Variants in TRMT1L observed in about 807,000 individuals in gnomAD.
TRMT1L encodes the protein tRNA methyltransferase 1L.
Under a neutral mutation model 81.6 loss-of-function variants are expected in TRMT1L, and 28 were observed. The observed-to-expected ratio is 0.34, with a 90% CI of 0.25 to 0.47. The LOEUF (loss-of-function observed/expected upper bound fraction) is 0.47, where lower values mean the gene tolerates loss of function less well. Ranked by LOEUF, TRMT1L falls within the 20% of genes least tolerant of loss-of-function variation. The pLI is 1.00. For synonymous variants in TRMT1L, 301 were observed against 303.2 expected (o/e 0.99, Z 0.07); for missense variants, 739 against 877.1 (o/e 0.84, Z 1.99).
intron 2 of TRMT1L, among the ~76,000 whole-genome samples, chr1:185,151,087 T>G (rs1653332184): frequency 6.6e-6 from 1 of 152,216 alleles, no homozygotes; most frequent in Non-Finnish European, 1.5e-5. Context: ...TCAAAAAGAT[T>G]ATGTATCATA....
At chr1:185,131,688 A>G (rs1339994180) in intron 10 of TRMT1L, among the ~76,000 whole-genome samples, 1 of 152,206 alleles carries the variant, frequency 6.6e-6, no homozygotes, top group African/African-American at 2.4e-5. Flanking sequence ...ATAAAAATTA[A>G]GGAAAAAGTA....
chr1:185,156,725 C>G lies in TRMT1L; in HGVS notation c.-13G>C. On this transcript the variant is annotated 5_prime_UTR_variant, in exon 1 of 15. Transcript: ENST00000367506. ...CCATATTCTCCATAGTTACCGCCTC[C>G]GTGCCAAGCCCGCCCGGGGACCCGG... The G allele has an allele frequency of 6.2e-7, 1 of 1,612,288 alleles. No individual in the cohort carries two copies. Among genetic ancestry groups the G allele is most frequent in the East Asian group, 2.2e-5 (1 of 44,770 alleles).
intron 12 of TRMT1L, 25 bp from the exon 13 acceptor site, chr1:185,123,944 A>G: frequency 7.6e-7 from 1 of 1,321,174 alleles, no homozygotes; most frequent in Non-Finnish European, 1.0e-6. Flanking sequence ...AAATGGGAAA[A>G]GAAAATATTT....
chr1:185,155,789 A>G (rs959549715), intron 1 of TRMT1L, among the ~76,000 whole-genome samples: 1 of 152,232 alleles, frequency 6.6e-6, no homozygotes, highest in African/African-American at 2.4e-5. Flanking sequence ...GAAAACATGC[A>G]GGCACATTCA....
chr1:185,148,990 A>C (rs542174478), intron 3 of TRMT1L, among the ~76,000 whole-genome samples: 2 of 152,340 alleles, frequency 1.3e-5, no homozygotes, highest in Admixed American at 6.5e-5. Flanking sequence ...ATACAAATAT[A>C]AATGTATATA....
intron 5 of TRMT1L, 82 bp from the exon 6 acceptor site, chr1:185,144,111 T>C: frequency 7.8e-7 from 1 of 1,279,092 alleles, no homozygotes; most frequent in Non-Finnish European, 1.1e-6. Context: ...ACAAAATAAT[T>C]GTAAACATCT....
At chr1:185,141,546 A>G (rs1245657680) in intron 7 of TRMT1L, among the ~76,000 whole-genome samples, 1 of 152,156 alleles carries the variant, frequency 6.6e-6, no homozygotes, top group Non-Finnish European at 1.5e-5. Flanking sequence ...TCTACTAAAA[A>G]TACAAAAATC....
chr1:185,131,270 A>G (rs1490595615), intron 10 of TRMT1L, among the ~76,000 whole-genome samples: 2 of 152,188 alleles, frequency 1.3e-5, no homozygotes, highest in Non-Finnish European at 2.9e-5. Context: ...AAGTGCTGGG[A>G]TTACAGCCAA....
At position 185,119,759 on chromosome 1, in the gene TRMT1L, CAGTAGGGTG is replaced by C. The variant is rs1181260082; in HGVS notation, c.*251_*259del. The C allele has an allele frequency of 3.9e-5, 13 of 337,606 alleles. No homozygotes were observed. The highest frequency in any genetic ancestry group is 1.7e-4 in the Admixed American group (4 of 23,194). The allele number at this position is 337,606 out of a possible 1,614,324, so 20.9% of individuals were successfully genotyped here. On this transcript the variant is annotated 3_prime_UTR_variant, in exon 15 of 15. Coordinates refer to ENST00000367506, the MANE Select transcript of TRMT1L (RefSeq NM_030934.5). Reference sequence around the variant, plus strand: ...TGTGAAAATTTTCTGAATTATTAAGCAGTAGGGTGATCTCAGTGAGACTTGGCTTCATAT... The same window carrying C: ...TGTGAAAATTTTCTGAATTATTAAGCATCTCAGTGAGACTTGGCTTCATAT...
chr1:185,144,052 T>C, intron 5 of TRMT1L, 23 bp from the exon 6 acceptor site: 1 of 1,558,620 alleles, frequency 6.4e-7, no homozygotes, highest in South Asian at 1.2e-5. Flanking sequence ...AAAGAAAAGA[T>C]TTCCAGGGAA....
chr1:185,155,569 C>T (rs1473298293), intron 1 of TRMT1L, among the ~76,000 whole-genome samples: 3 of 152,048 alleles, frequency 2.0e-5, no homozygotes, highest in African/African-American at 7.2e-5. Flanking sequence ...CAAAACTGGC[C>T]TAGAAGTAGA....
At chr1:185,124,697 AAAAAAAAAAC>A in intron 12 of TRMT1L, 1 of 207,858 alleles carries the variant, frequency 4.8e-6, no homozygotes, top group Non-Finnish European at 9.4e-6. Flanking sequence ...CCCAGTATCC[AAAAAAAAAAC>A]AACAAAACCA....
At chr1:185,122,599 G>T (rs763241403) in intron 13 of TRMT1L, among the ~76,000 whole-genome samples, 3 of 151,716 alleles carry the variant, frequency 2.0e-5, no homozygotes, top group Non-Finnish European at 4.4e-5. Context: ...TTCTAAAAAG[G>T]ATTTAAGATA....
intron 1 of TRMT1L, among the ~76,000 whole-genome samples, chr1:185,155,921 AACT>A (rs1236452531): frequency 6.6e-6 from 1 of 152,170 alleles, no homozygotes; most frequent in Non-Finnish European, 1.5e-5. Context: ...CTCTTTCCTA[AACT>A]ACTACTCAGC....
intron 10 of TRMT1L, among the ~76,000 whole-genome samples, chr1:185,132,531 A>C (rs1055658925): frequency 6.6e-6 from 1 of 151,074 alleles, no homozygotes; most frequent in African/African-American, 2.4e-5. Flanking sequence ...AAAAAAAATA[A>C]ATAAAAATAA....
At position 185,143,534 on chromosome 1, in the gene TRMT1L, T is replaced by C; in HGVS notation, c.780-98A>G. ...AGTGAACTGAAGTTCCTAGTTACTG[T>C]ACAAACTATTTCAAAAGGAGACCTG... On this transcript the variant is annotated intron_variant, in intron 6 of 14. Coordinates refer to ENST00000367506, the MANE Select transcript of TRMT1L (RefSeq NM_030934.5). 3 of 1,018,008 alleles carry C rather than the reference T, an allele frequency of 2.9e-6. No homozygotes were observed. The South Asian group carries it at 5.6e-5, about 19-fold the overall frequency. 63.1% of individuals were successfully genotyped at this position (1,018,008 alleles called of 1,614,324 possible). A position where few individuals can be genotyped will look rare whatever the true frequency, so the allele number is the denominator to read the frequency against.
chr1:185,148,057 G>A (rs1204522603), intron 3 of TRMT1L, among the ~76,000 whole-genome samples: 1 of 151,946 alleles, frequency 6.6e-6, no homozygotes, highest in East Asian at 1.9e-4. Flanking sequence ...CCTTAGATTC[G>A]ATCATTTCTT....
upstream of TRMT1L, chr1:185,157,178 G>C (rs1203619880): frequency 6.2e-6 from 1 of 161,592 alleles, no homozygotes; most frequent in Non-Finnish European, 1.4e-5. Flanking sequence ...AGTAGGTAGT[G>C]CGGATGCGGG....
chr1:185,120,530 G>A lies in TRMT1L; in HGVS notation c.1823-21C>T, dbSNP rs1403361321. ...CTTTCCTGCAACATACACATACAAA[G>A]TTAGCATGCTCTTAAAAATTACAAG... is the stretch of plus-strand genomic sequence containing the variant. On this transcript the variant is annotated intron_variant, in intron 13 of 14. Transcript: ENST00000367506. 8 of 1,534,348 alleles carry A rather than the reference G, an allele frequency of 5.2e-6. No individual in the cohort carries two copies. The African/African-American group carries it at 8.4e-5, about 16-fold the overall frequency.
Sources: gnomAD v4.1 joint callset for allele counts (sites outside exome capture counted in the v4.1 genomes callset) on GRCh38, gnomAD v4.1.1 for gene constraint, MANE v1.5 for transcripts, NCBI Gene and HGNC (gene_info 2026-07-23, HGNC 2026-07-21) for gene names.